The following PLXNA4 variants were observed in gnomAD, a reference collection of about 807,000 sequenced individuals.
The protein encoded by PLXNA4 is plexin A4.
In PLXNA4, 44 loss-of-function variants were observed where a neutral mutation model predicts 191.8. That is an observed-to-expected ratio of 0.23 (90% CI 0.18 to 0.29). The LOEUF is 0.29. PLXNA4 is among the 10% of genes least tolerant of loss of function. The pLI, the probability that PLXNA4 is intolerant of heterozygous loss-of-function variation, is 1.00. For missense variants in PLXNA4, 1,800 were observed against 2,488.8 expected, an observed-to-expected ratio of 0.72 and a Z score of 5.89; for synonymous variants, 1,082 against 1,009.5, an observed-to-expected ratio of 1.07 and a Z score of -1.36.
Position 132,185,435 on chromosome 7 carries a change from T to C in PLXNA4, c.3022A>G (p.Thr1008Ala). ...TCTAGCACCTCATCTGAGGATGTGG[T>C]GTTGCAGACAATGTAGGATGGAGAT... ...RRSPSYIVCN[T>A]TSSDEVLEMK... is the part of the protein sequence containing the mutation. Residue 1008 changes from threonine (T) to alanine (A), a missense_variant, in exon 16 of 32, where the codon ACC becomes GCC. Physicochemically the swap from Thr to Ala is moderately conservative, Grantham distance 58 (BLOSUM62 0). Coordinates refer to ENST00000321063, the MANE Select transcript of PLXNA4 (RefSeq NM_020911.2). 2 of 1,613,740 alleles carry C rather than the reference T, an allele frequency of 1.2e-6. No individual in the cohort carries two copies. Among genetic ancestry groups the C allele is most frequent in the Non-Finnish European group, 1.7e-6 (2 of 1,179,890 alleles).
At chr7:132,335,290 A>T (rs1212205573) in intron 3 of PLXNA4, among the ~76,000 whole-genome samples, 1 of 152,160 alleles carries the variant, frequency 6.6e-6, no homozygotes, top group Non-Finnish European at 1.5e-5. Context: ...TTGATTCTGG[A>T]GGGAGGACAC....
Position 132,128,848 on chromosome 7 carries a change from C to T in PLXNA4, c.*1631G>A, listed in dbSNP as rs2116481624. 6.6e-6 allele frequency: 1 copy of T among 152,282 alleles called. No individual in the cohort carries two copies. Among genetic ancestry groups the T allele is most frequent in the Admixed American group, 6.5e-5 (1 of 15,290 alleles). The allele number at this position is 152,282 out of a possible 1,614,324, so 9.4% of individuals were successfully genotyped here. On this transcript the variant is annotated 3_prime_UTR_variant, in exon 32 of 32. Transcript: ENST00000321063. Reference sequence around the variant, plus strand: ...CACCTAAGATGTTTCTCCTTGTCTCCCATAGTGGTGAACAACTCCAGAGCA... The same window carrying T: ...CACCTAAGATGTTTCTCCTTGTCTCTCATAGTGGTGAACAACTCCAGAGCA...
chr7:132,419,776 A>G (rs1585110740), intron 3 of PLXNA4, among the ~76,000 whole-genome samples: 3 of 152,268 alleles, frequency 2.0e-5, no homozygotes, highest in African/African-American at 7.2e-5. Flanking sequence ...TGTCACAACC[A>G]CTCAACATTT....
At chr7:132,439,945 T>C (rs1795626140) in intron 3 of PLXNA4, among the ~76,000 whole-genome samples, 3 of 152,104 alleles carry the variant, frequency 2.0e-5, no homozygotes, top group South Asian at 4.1e-4. Flanking sequence ...CTTCTGGCTA[T>C]TGGAAAACCT....
At chr7:132,155,092 C>T (rs12666252) in intron 25 of PLXNA4, among the ~76,000 whole-genome samples, 1 of 152,052 alleles carries the variant, frequency 6.6e-6, no homozygotes, top group Admixed American at 6.5e-5. Flanking sequence ...ATCCTTTCAG[C>T]TTGCTCGACT....
intron 3 of PLXNA4, among the ~76,000 whole-genome samples, chr7:132,317,511 G>A (rs879510080): frequency 3.9e-5 from 6 of 152,082 alleles, no homozygotes; most frequent in Non-Finnish European, 7.4e-5. Context: ...TGTTCAGTTG[G>A]ATTGAATTGG....
intron 3 of PLXNA4, among the ~76,000 whole-genome samples, chr7:132,474,212 T>TCACACA (rs1304784396): frequency 9.9e-6 from 1 of 100,986 alleles, no homozygotes; most frequent in African/African-American, 4.8e-5. Flanking sequence ...GATCTCTCTG[T>TCACACA]CTCACACACA....
intron 3 of PLXNA4, among the ~76,000 whole-genome samples, chr7:132,436,544 TG>T (rs1157074445): frequency 5.9e-5 from 9 of 152,186 alleles, no homozygotes; most frequent in African/African-American, 1.9e-4. Flanking sequence ...ACCAATGCAG[TG>T]GGAGATCCCA....
rs55973151 is a variant in PLXNA4 at position 132,447,825 on chromosome 7, TAAA to T, written c.1371+41464_1371+41466del. On this transcript the variant is annotated intron_variant, in intron 3 of 31. Coordinates refer to ENST00000321063, the MANE Select transcript of PLXNA4 (RefSeq NM_020911.2). ...CAACATGGTGAAGCCCACCTGTACT[TAAA>T]AAAAAAAAAAGATTAAAACACTTTT... Among the ~76,000 whole-genome samples, 149 of 149,538 alleles carry T rather than the reference TAAA, an allele frequency of 1.0e-3. 6 individuals carry two copies. The South Asian group carries it at 0.021, about 21-fold the overall frequency.
At chr7:132,589,917 G>A (rs987285683) in intron 2 of PLXNA4, among the ~76,000 whole-genome samples, 1 of 152,184 alleles carries the variant, frequency 6.6e-6, no homozygotes, top group Middle Eastern at 3.2e-3. Flanking sequence ...ACAGAGGAGT[G>A]GCCAGTGCAA....
rs188291455 is a variant in PLXNA4 at position 132,132,839 on chromosome 7, C to T, written c.5589+210G>A. 1.7e-3 allele frequency among the ~76,000 whole-genome samples: 259 copies of T among 152,204 alleles called. 3 individuals are homozygous for T. Among genetic ancestry groups the T allele is most frequent in the African/African-American group, 5.9e-3 (247 of 41,528 alleles). ...AAGAAACAGGTACTTATTTACATATCTAAGAAGCACAGGGATGAATGCAGA... is the reference window on the plus strand; with the variant it reads ...AAGAAACAGGTACTTATTTACATATTTAAGAAGCACAGGGATGAATGCAGA... On this transcript the variant is annotated intron_variant, in intron 31 of 31. Transcript: ENST00000321063.
intron 3 of PLXNA4, among the ~76,000 whole-genome samples, chr7:132,417,677 G>C (rs1794706015): frequency 6.7e-6 from 1 of 148,882 alleles, no homozygotes; most frequent in South Asian, 2.2e-4. Flanking sequence ...GAAAAAGACT[G>C]AAAAGGAGAG....
intron 1 of PLXNA4, among the ~76,000 whole-genome samples, chr7:132,537,678 G>T (rs1399756636): frequency 1.3e-5 from 2 of 152,218 alleles, no homozygotes; most frequent in Non-Finnish European, 2.9e-5. Context: ...ATGGAAGTGG[G>T]AGTGAGGAAG....
intron 2 of PLXNA4, among the ~76,000 whole-genome samples, chr7:132,634,603 C>T (rs1332910840): frequency 6.6e-6 from 1 of 152,176 alleles, no homozygotes; most frequent in East Asian, 1.9e-4. Context: ...CGCCCCTGGG[C>T]CTTTGCACAT....
intron 3 of PLXNA4, among the ~76,000 whole-genome samples, chr7:132,366,230 T>TA (rs1462152609): frequency 6.6e-6 from 1 of 152,030 alleles, no homozygotes; most frequent in East Asian, 1.9e-4. Context: ...TTCCTACCAT[T>TA]AAAAAAAGAG....
At chr7:132,525,977 C>G (rs1056627240) in intron 1 of PLXNA4, among the ~76,000 whole-genome samples, 1 of 152,206 alleles carries the variant, frequency 6.6e-6, no homozygotes, top group Non-Finnish European at 1.5e-5. Context: ...CTATTATGAC[C>G]TCTGGGAACA....
At chr7:132,206,478 G>A (rs1182530766) in intron 10 of PLXNA4, among the ~76,000 whole-genome samples, 1 of 151,840 alleles carries the variant, frequency 6.6e-6, no homozygotes, top group South Asian at 2.1e-4. Context: ...GTGTGCGCAT[G>A]TGTGCAAGCA....
chr7:132,230,575 C>A (rs1055364757), intron 5 of PLXNA4, among the ~76,000 whole-genome samples: 6 of 152,208 alleles, frequency 3.9e-5, no homozygotes, highest in African/African-American at 1.4e-4. Flanking sequence ...CCGATGGCAA[C>A]AAGAGCGTCT....
At chr7:132,385,675 T>C (rs574462295) in intron 3 of PLXNA4, among the ~76,000 whole-genome samples, 2 of 152,322 alleles carry the variant, frequency 1.3e-5, no homozygotes, top group African/African-American at 4.8e-5. Flanking sequence ...TCTTACCAAG[T>C]ATCACTTTTT....
Sources: allele counts gnomAD v4.1 joint callset (sites outside exome capture counted in the v4.1 genomes callset), GRCh38; gene constraint gnomAD v4.1.1; transcripts MANE v1.5; gene names NCBI Gene and HGNC (gene_info 2026-07-23, HGNC 2026-07-21).